BOLL: variants seen among roughly 807,000 people sequenced by gnomAD.
The protein encoded by BOLL is boule RNA binding protein.
In BOLL, 23 loss-of-function variants were observed where a neutral mutation model predicts 44.4. That is an observed-to-expected ratio of 0.52 (90% CI 0.37 to 0.73). The LOEUF (loss-of-function observed/expected upper bound fraction) is 0.73. Ranked by LOEUF, BOLL falls within the 30% of genes least tolerant of loss-of-function variation. The probability of loss-of-function intolerance (pLI) is 0.00; values close to 1 mark genes in which losing one functional copy is unlikely to be tolerated. For synonymous variants in BOLL, 97 were observed against 110.8 expected, an observed-to-expected ratio of 0.88 and a Z score of 0.78; for missense variants, 287 against 338.3, an observed-to-expected ratio of 0.85 and a Z score of 1.19.
At chr2:197,766,469 T>C in intron 7 of BOLL, 63 bp downstream of exon 7, 1 of 1,331,330 alleles carries the variant, frequency 7.5e-7, no homozygotes, top group East Asian at 2.3e-5. Flanking sequence ...AAGAAATAAA[T>C]GAAAGTTAGC....
chr2:197,741,683 A>G (rs1262766148), intron 10 of BOLL, among the ~76,000 whole-genome samples: 1 of 152,130 alleles, frequency 6.6e-6, no homozygotes, highest in Non-Finnish European at 1.5e-5. Context: ...AAAGACTTAC[A>G]TGTTAGACCT....
intron 9 of BOLL, among the ~76,000 whole-genome samples, chr2:197,745,555 T>C (rs908112681): frequency 2.2e-4 from 34 of 152,208 alleles, no homozygotes; most frequent in African/African-American, 7.5e-4. Flanking sequence ...TATGATTTAA[T>C]GCCAAAAGAG....
intron 7 of BOLL, among the ~76,000 whole-genome samples, chr2:197,762,500 T>C (rs1688805710): frequency 6.6e-6 from 1 of 152,046 alleles, no homozygotes; most frequent in Non-Finnish European, 1.5e-5. Flanking sequence ...TTACCATATT[T>C]CAGGAAACAA....
chr2:197,734,796 G>T (rs1687402928), intron 10 of BOLL, among the ~76,000 whole-genome samples: 1 of 152,056 alleles, frequency 6.6e-6, no homozygotes, highest in South Asian at 2.1e-4. Context: ...ATATCACACA[G>T]AGGGGACTGT....
chr2:197,755,185 C>A (rs1688454405), intron 9 of BOLL, among the ~76,000 whole-genome samples: 1 of 152,166 alleles, frequency 6.6e-6, no homozygotes, highest in Non-Finnish European at 1.5e-5. Flanking sequence ...CTAATCAACA[C>A]AATGAGATAC....
In BOLL at chr2:197,777,001, G is replaced by T. The variant is rs1026718750; in HGVS notation, c.276+58C>A. The T allele has an allele frequency of 7.6e-6, 10 of 1,317,876 alleles. No individual in the cohort carries two copies. The African/African-American group carries it at 9.0e-5, about 12-fold the overall frequency. 81.6% of individuals were successfully genotyped at this position (1,317,876 alleles called of 1,614,324 possible). On this transcript the variant is annotated intron_variant, in intron 4 of 10. Coordinates refer to ENST00000392296, the MANE Select transcript of BOLL (RefSeq NM_033030.6). ...GATTATTGTATTTGAACCCCGAAAA[G>T]ATTAGTTTCAAATACAAAATTTCCA...
At chr2:197,756,592 A>T (rs780063976) in intron 8 of BOLL, 36 bp from the exon 9 acceptor site, 2 of 1,548,922 alleles carry the variant, frequency 1.3e-6, no homozygotes, top group Non-Finnish European at 1.8e-6. Context: ...TTCAAATATG[A>T]TTAGTTATTT....
intron 7 of BOLL, among the ~76,000 whole-genome samples, chr2:197,759,880 G>T (rs868652531): frequency 6.6e-6 from 1 of 152,212 alleles, no homozygotes; most frequent in Admixed American, 6.5e-5. Flanking sequence ...ACGCCCTGCA[G>T]ACAAGCCCCT....
intron 10 of BOLL, among the ~76,000 whole-genome samples, chr2:197,738,932 A>G (rs1379529784): frequency 6.6e-6 from 1 of 152,172 alleles, no homozygotes; most frequent in Admixed American, 6.6e-5. Context: ...TAAGATTTCC[A>G]TGTTATAATA....
chr2:197,779,654 T>A (rs908254769), intron 2 of BOLL, among the ~76,000 whole-genome samples: 1 of 152,018 alleles, frequency 6.6e-6, no homozygotes, highest in Non-Finnish European at 1.5e-5. Context: ...TTCAGCTAAA[T>A]TCAGACATTG....
intron 1 of BOLL, chr2:197,784,597 A>T (rs1247522181): frequency 4.3e-6 from 2 of 460,314 alleles, no homozygotes; most frequent in African/African-American, 2.1e-5. Context: ...CGCCCAGCTA[A>T]TTTTTTTGTA....
At chr2:197,732,087 A>G (rs1349372145) in intron 10 of BOLL, among the ~76,000 whole-genome samples, 3 of 151,664 alleles carry the variant, frequency 2.0e-5, no homozygotes, top group African/African-American at 7.3e-5. Flanking sequence ...AAAAAAAGAG[A>G]GAAGAATCAA....
At chr2:197,744,898 C>T (rs1312508751) in intron 9 of BOLL, among the ~76,000 whole-genome samples, 1 of 152,058 alleles carries the variant, frequency 6.6e-6, no homozygotes, top group Non-Finnish European at 1.5e-5. Context: ...ACTTCAAATA[C>T]AAGACAGAAA....
chr2:197,727,029 T>C lies in BOLL; in HGVS notation c.*1526A>G, dbSNP rs1686877173. On this transcript the variant is annotated 3_prime_UTR_variant, in exon 11 of 11. Transcript: ENST00000392296. Reference sequence around the variant, plus strand: ...GAAAATCTTGAACATCAGTGGTTAGTAATTTTTTACTTACAGAACAAAAAC... The same window carrying C: ...GAAAATCTTGAACATCAGTGGTTAGCAATTTTTTACTTACAGAACAAAAAC... 6.5e-6 allele frequency: 1 copy of C among 152,708 alleles called. No homozygotes were observed. The highest frequency in any genetic ancestry group is 1.5e-5 in the Non-Finnish European group (1 of 68,044). 9.5% of individuals were successfully genotyped at this position (152,708 alleles called of 1,614,324 possible). A position where few individuals can be genotyped will look rare whatever the true frequency, so the allele number is the denominator to read the frequency against.
At chr2:197,776,582 T>C (rs1261110057) in intron 4 of BOLL, among the ~76,000 whole-genome samples, 1 of 151,974 alleles carries the variant, frequency 6.6e-6, no homozygotes, top group African/African-American at 2.4e-5. Flanking sequence ...CTGTATTTGA[T>C]TTTAATAACA....
At chr2:197,758,325 C>T (rs1042099747) in intron 7 of BOLL, among the ~76,000 whole-genome samples, 7 of 151,966 alleles carry the variant, frequency 4.6e-5, no homozygotes, top group South Asian at 4.2e-4. Flanking sequence ...TATTTGAGAA[C>T]GAAGTACTGA....
In BOLL at chr2:197,727,448, T is replaced by C. The variant is rs1686897740; in HGVS notation, c.*1107A>G. The C allele has an allele frequency of 6.6e-6, 1 of 152,328 alleles. No individual in the cohort carries two copies. The highest frequency in any genetic ancestry group is 1.5e-5 in the Non-Finnish European group (1 of 68,014). The allele number at this position is 152,328 out of a possible 1,614,324, so 9.4% of individuals were successfully genotyped here. On this transcript the variant is annotated 3_prime_UTR_variant, in exon 11 of 11. Coordinates refer to ENST00000392296, the MANE Select transcript of BOLL (RefSeq NM_033030.6). ...ATATTTCCTGTACTACTGTAGAAAT[T>C]TTAGAGATTAAAAACCCCTATGATT...
intron 2 of BOLL, 148 bp downstream of exon 2, chr2:197,781,574 G>C (rs1371053837): frequency 2.1e-5 from 17 of 816,048 alleles, no homozygotes; most frequent in Non-Finnish European, 3.0e-5. Context: ...CCTACATGCT[G>C]GTTGAAAAGA....
At chr2:197,740,553 G>A (rs970751617) in intron 10 of BOLL, among the ~76,000 whole-genome samples, 1 of 152,124 alleles carries the variant, frequency 6.6e-6, no homozygotes, top group Non-Finnish European at 1.5e-5. Flanking sequence ...TCTGACTAAG[G>A]AGGCATGAAC....
Sources: gnomAD v4.1 joint callset for allele counts (sites outside exome capture counted in the v4.1 genomes callset) on GRCh38, gnomAD v4.1.1 for gene constraint, MANE v1.5 for transcripts, NCBI Gene and HGNC (gene_info 2026-07-23, HGNC 2026-07-21) for gene names.